Variants in TTC24 observed in about 807,000 individuals in gnomAD.
The protein encoded by TTC24 is tetratricopeptide repeat domain 24, also known as tetratricopeptide repeat protein 24.
A neutral mutation model predicts 63.3 loss-of-function variants in TTC24; 54 were observed. That is an observed-to-expected ratio of 0.85 (90% CI 0.69 to 1.07). TTC24 has a LOEUF of 1.07. TTC24 is among the 50% of genes least tolerant of loss of function. The probability of loss-of-function intolerance (pLI) is 0.00; values close to 1 mark genes in which losing one functional copy is unlikely to be tolerated. For missense variants in TTC24, 680 were observed against 730.5 expected (o/e 0.93, Z 0.80); for synonymous variants, 276 against 304.3 (o/e 0.91, Z 0.97).
chr1:156,585,786 G>T lies in TTC24; in HGVS notation c.1530G>T (p.Thr510=). ...ASSCPTFTKH[T]PCRGTVLGKA... is the part of the protein sequence containing the mutation. ...GTTGCCCCACGTTTACCAAGCACACGCCCTGCAGAGGGACAGTCCTCGGCA... is the reference window on the plus strand; with the variant it reads ...GTTGCCCCACGTTTACCAAGCACACTCCCTGCAGAGGGACAGTCCTCGGCA... Residue 510 remains threonine (T), a synonymous_variant, in exon 9 of 11, where the codon ACG becomes ACT. Coordinates refer to ENST00000368236, the MANE Select transcript of TTC24 (RefSeq NM_001105669.4). 2.5e-6 allele frequency: 4 copies of T among 1,613,856 alleles called. No individual in the cohort carries two copies. The highest frequency in any genetic ancestry group is 3.4e-6 in the Non-Finnish European group (4 of 1,179,838).
Position 156,583,972 on chromosome 1 carries a change from G to A in TTC24, c.1251+77G>A. 1.7e-6 allele frequency: 2 copies of A among 1,207,938 alleles called. No individual in the cohort carries two copies. Among genetic ancestry groups the A allele is most frequent in the Non-Finnish European group, 2.4e-6 (2 of 837,440 alleles). 74.8% of individuals were successfully genotyped at this position (1,207,938 alleles called of 1,614,324 possible). On this transcript the variant is annotated intron_variant, in intron 6 of 10. Transcript: ENST00000368236. The surrounding 1 kb of genome is among the most constrained non-coding windows in gnomAD (Gnocchi z 4.0). ...GAAGGGGTTGGTGGTAAGCAGAGAC[G>A]CTGTTCCCTGGGATGCTGCGCGCTT...
intron 9 of TTC24, 60 bp from the exon 10 acceptor site, chr1:156,585,889 C>A: frequency 6.3e-7 from 1 of 1,594,328 alleles, no homozygotes; most frequent in East Asian, 2.2e-5. Flanking sequence ...CTTTTTTCCA[C>A]CATGATAGTT....
chr1:156,583,242 C>T lies in TTC24; in HGVS notation c.1039+72C>T. On this transcript the variant is annotated intron_variant, in intron 4 of 10. Transcript: ENST00000368236. This position sits in a 1 kb window ranked among gnomAD's most constrained non-coding sequence, Gnocchi z 4.0. ...AGGGTCCTAGGGGCTGGCGGGGAGG[C>T]AGATGGGGGGAACTGAGGGTAGGGA... 1 of 1,591,898 alleles carries T rather than the reference C, an allele frequency of 6.3e-7. No homozygotes were observed. Among genetic ancestry groups the T allele is most frequent in the Non-Finnish European group, 8.5e-7 (1 of 1,171,200 alleles).
At position 156,583,598 on chromosome 1, in the gene TTC24, T is replaced by C. The variant is rs1677067982; in HGVS notation, c.1152+148T>C. On this transcript the variant is annotated intron_variant, in intron 5 of 10. Coordinates refer to ENST00000368236, the MANE Select transcript of TTC24 (RefSeq NM_001105669.4). This position sits in a 1 kb window ranked among gnomAD's most constrained non-coding sequence, Gnocchi z 4.0. ...CTGTGTGCTAGGTCTTGGGATACTA[T>C]TGTGAGGAAGAGTTCATCGCTGTCC... 1.1e-6 allele frequency: 1 copy of C among 883,984 alleles called. No homozygotes were observed. Among genetic ancestry groups the C allele is most frequent in the Non-Finnish European group, 1.7e-6 (1 of 572,724 alleles). 54.8% of individuals were successfully genotyped at this position (883,984 alleles called of 1,614,324 possible). A position where few individuals can be genotyped will look rare whatever the true frequency, so the allele number is the denominator to read the frequency against.
rs527644191 is a variant in TTC24, at chr1:156,581,713, G to A, written c.349G>A (p.Gly117Ser). The change falls in exon 2 of 11, where the codon GGC becomes AGC. Residue 117 changes from glycine (G) to serine (S), a missense_variant. Gly to Ser is a moderately conservative substitution (Grantham distance 56, BLOSUM62 0). Coordinates refer to ENST00000368236, the MANE Select transcript of TTC24 (RefSeq NM_001105669.4). ...AGAGAAGGCACAGGGCAGGCGACAC[G>A]GCGACCAATGTTTCAATGTGGCTTT... is the stretch of plus-strand genomic sequence containing the variant. ...PEEKAQGRRH[G>S]DQCFNVALAY... The A allele has an allele frequency of 2.9e-5, 45 of 1,551,656 alleles. No homozygotes were observed. The highest frequency in any genetic ancestry group is 4.8e-5 in the South Asian group (4 of 84,072).
intron 1 of TTC24, among the ~76,000 whole-genome samples, chr1:156,581,006 G>C (rs1029024041): frequency 6.6e-6 from 1 of 152,094 alleles, no homozygotes; most frequent in Admixed American, 6.6e-5. Flanking sequence ...GTAGTGGGGG[G>C]AAGACAATAA....
intron 8 of TTC24, chr1:156,585,484 A>G (rs959646863): frequency 1.7e-6 from 1 of 603,302 alleles, no homozygotes; most frequent in African/African-American, 1.9e-5. Flanking sequence ...ACCCTTCTAG[A>G]ACTCCCTCTT....
At chr1:156,586,137 T>G (rs1214428027) in intron 10 of TTC24, 92 bp downstream of exon 10, 1 of 980,460 alleles carries the variant, frequency 1.0e-6, no homozygotes, top group African/African-American at 1.6e-5. Context: ...ACGACTGCTG[T>G]TGAAGTTGGG....
chr1:156,584,299 C>T (rs913584814), intron 6 of TTC24, among the ~76,000 whole-genome samples: 3 of 152,026 alleles, frequency 2.0e-5, no homozygotes, highest in African/African-American at 7.2e-5. Context: ...CACCGTGTTC[C>T]TCCTTCCAAG....
chr1:156,580,523 G>T (rs554579854), intron 1 of TTC24, among the ~76,000 whole-genome samples: 1 of 152,218 alleles, frequency 6.6e-6, no homozygotes, highest in East Asian at 1.9e-4. Flanking sequence ...TGTCACCCAG[G>T]CTGGAGTGCA....
chr1:156,582,138 T>A, intron 2 of TTC24, 68 bp downstream of exon 2: 1 of 1,463,554 alleles, frequency 6.8e-7, no homozygotes, highest in East Asian at 2.5e-5. Context: ...CTCAGAGGGC[T>A]GGGTTTGGGG....
intron 8 of TTC24, 108 bp downstream of exon 8, chr1:156,585,339 C>G (rs1677127710): frequency 1.1e-6 from 1 of 913,916 alleles, no homozygotes; most frequent in Admixed American, 2.8e-5. Context: ...ACCATCCCGC[C>G]TTCCTGTTGT....
In TTC24 at chr1:156,583,822, G is replaced by C. The variant is rs968811411; in HGVS notation, c.1178G>C (p.Arg393Pro). The change falls in exon 6 of 11, where the codon CGG becomes CCG. Residue 393 changes from arginine to proline, a missense_variant. Arg to Pro is a moderately radical substitution (Grantham distance 103). Transcript: ENST00000368236. This position sits in a 1 kb window ranked among gnomAD's most constrained non-coding sequence, Gnocchi z 4.0. The stretch of plus-strand genomic sequence containing the variant: ...AAGGAGCCAGATTCTGTGCGAGAAC[G>C]GCTGGTGGCCAAGCTGGCAGACACC... ...CQKEPDSVRE[R>P]LVAKLADTVR... is the part of the protein sequence containing the mutation. The C allele has an allele frequency of 6.3e-7, 1 of 1,585,990 alleles. No individual in the cohort carries two copies.
chr1:156,585,226 C>G lies in TTC24; in HGVS notation c.1451C>G (p.Pro484Arg). The G allele has an allele frequency of 6.2e-7, 1 of 1,610,680 alleles. No individual in the cohort carries two copies. The highest frequency in any genetic ancestry group is 8.5e-7 in the Non-Finnish European group (1 of 1,178,424). ...NVPVRAGPGR[P>R]ELCFLPGTVN... is the part of the protein sequence containing the mutation. ...CCGGTGAGGGCTGGGCCGGGAAGAC[C>G]AGAGCGTGAGTTGATGTAGAGTATT... The change falls in exon 8 of 11, where the codon CCA becomes CGA. Residue 484 changes from proline to arginine, a missense_variant. Physicochemically the swap from Pro to Arg is moderately radical, Grantham distance 103. Coordinates refer to ENST00000368236, the MANE Select transcript of TTC24 (RefSeq NM_001105669.4).
chr1:156,586,371 G>A (rs1393281858), intron 10 of TTC24, 98 bp from the exon 11 acceptor site: 27 of 1,051,470 alleles, frequency 2.6e-5, no homozygotes, highest in Non-Finnish European at 3.7e-5. Context: ...GCAGAGGTAA[G>A]GGCCAAATAG....
Position 156,583,338 on chromosome 1 carries a change from G to A in TTC24, c.1040G>A (p.Gly347Glu), listed in dbSNP as rs371865118. 1.6e-5 allele frequency: 26 copies of A among 1,612,548 alleles called. No individual in the cohort carries two copies. Among genetic ancestry groups the A allele is most frequent in the Admixed American group, 3.3e-5 (2 of 59,756 alleles). The change falls in exon 5 of 11, where the codon GGG becomes GAG. Residue 347 changes from glycine (G) to glutamate (E), a missense_variant and splice_region_variant. Transcript: ENST00000368236. The surrounding 1 kb of genome is among the most constrained non-coding windows in gnomAD (Gnocchi z 4.0). ...LHALQAARDS[G>E]DMKGQWQACE... is the part of the protein sequence containing the mutation. ...ACCTTCCAGGCTCTCTTTCTCTCAGGGGACATGAAGGGACAGTGGCAGGCC... is the reference window on the plus strand; with the variant it reads ...ACCTTCCAGGCTCTCTTTCTCTCAGAGGACATGAAGGGACAGTGGCAGGCC...
chr1:156,581,339 G>A, intron 1 of TTC24, 22 bp from the exon 2 acceptor site: 1 of 1,454,218 alleles, frequency 6.9e-7, no homozygotes, highest in East Asian at 2.5e-5. Flanking sequence ...GACATACTGA[G>A]CCCTCTGTTC....
intron 6 of TTC24, chr1:156,584,675 A>G: frequency 2.4e-6 from 1 of 425,166 alleles, no homozygotes. Context: ...CAGGTCTGCT[A>G]GTCCCTAAAT....
Position 156,581,575 on chromosome 1 carries a change from C to A in TTC24, c.211C>A (p.Gln71Lys). The A allele has an allele frequency of 6.4e-7, 1 of 1,551,632 alleles. No individual in the cohort carries two copies. The highest frequency in any genetic ancestry group is 8.7e-7 in the Non-Finnish European group (1 of 1,146,930). The change falls in exon 2 of 11, where the codon CAA becomes AAA. Residue 71 changes from glutamine to lysine, a missense_variant. Gln to Lys is a moderately conservative substitution (Grantham distance 53). Transcript: ENST00000368236. ...RAFLLASKAP[Q>K]TRDTPVLQAC... is the part of the protein sequence containing the mutation. ...CTTCCTTCTGGCCTCCAAGGCCCCA[C>A]AAACCAGGGATACCCCTGTGCTCCA...
Sources: gnomAD v4.1 joint callset for allele counts (sites outside exome capture counted in the v4.1 genomes callset) on GRCh38, gnomAD v4.1.1 for gene constraint, Gnocchi (gnomAD v3.1) non-coding constraint, MANE v1.5 for transcripts, NCBI Gene and HGNC (gene_info 2026-07-23, HGNC 2026-07-21) for gene names.